Variants in GAREM1 observed in about 807,000 individuals in gnomAD.
GAREM1 encodes GRB2-associated and regulator of MAPK protein 1.
A neutral mutation model predicts 71.3 loss-of-function variants in GAREM1; 26 were observed. The observed-to-expected ratio is 0.36, with a 90% CI of 0.27 to 0.51. GAREM1 has a LOEUF of 0.51. Among genes scored for constraint, GAREM1 ranks in the 20% least tolerant of loss-of-function variants. GAREM1 has a pLI of 0.95. For missense variants in GAREM1, 1,026 were observed against 1,103.1 expected, an observed-to-expected ratio of 0.93 and a Z score of 0.99; for synonymous variants, 440 against 433.2, an observed-to-expected ratio of 1.02 and a Z score of -0.20.
Position 32,307,569 on chromosome 18 carries a change from C to T in GAREM1, c.393+2624G>A, listed in dbSNP as rs970759689. Among the ~76,000 whole-genome samples the T allele has an allele frequency of 3.3e-5, 5 of 152,212 alleles. No homozygotes were observed. The South Asian group carries it at 1.0e-3, about 32-fold the overall frequency. Reference sequence around the variant, plus strand: ...ATGAAGTCTCACTCTGTCGCTAAGGCTGGAGTGCAATGGCGTGATCTCGGC... The same window carrying T: ...ATGAAGTCTCACTCTGTCGCTAAGGTTGGAGTGCAATGGCGTGATCTCGGC... On this transcript the variant is annotated intron_variant, in intron 3 of 5. Coordinates refer to ENST00000269209, the MANE Select transcript of GAREM1 (RefSeq NM_001242409.2).
At chr18:32,461,650 G>T (rs899291013) in intron 1 of GAREM1, among the ~76,000 whole-genome samples, 1 of 152,018 alleles carries the variant, frequency 6.6e-6, no homozygotes, top group African/African-American at 2.4e-5. Context: ...AGCAATGATC[G>T]CACCACTGCA....
At chr18:32,319,083 TAGTG>T (rs1567962897) in intron 2 of GAREM1, among the ~76,000 whole-genome samples, 1 of 152,172 alleles carries the variant, frequency 6.6e-6, no homozygotes. Flanking sequence ...GCTTACTAAA[TAGTG>T]AATGAATGAA....
At chr18:32,285,968 G>A (rs1464537912) in intron 4 of GAREM1, among the ~76,000 whole-genome samples, 3 of 152,146 alleles carry the variant, frequency 2.0e-5, no homozygotes, top group Non-Finnish European at 2.9e-5. Flanking sequence ...CTTTGGTCAG[G>A]TAGGTTTTGA....
chr18:32,313,922 A>G (rs1042013380), intron 2 of GAREM1, among the ~76,000 whole-genome samples: 2 of 152,136 alleles, frequency 1.3e-5, no homozygotes, highest in African/African-American at 4.8e-5. Flanking sequence ...AGGGACCATG[A>G]GGGAGGAGTT....
chr18:32,323,318 G>A (rs1300441279), intron 2 of GAREM1, among the ~76,000 whole-genome samples: 1 of 152,230 alleles, frequency 6.6e-6, no homozygotes, highest in African/African-American at 2.4e-5. Context: ...AAATGTGTGG[G>A]AAGTCTAGGG....
intron 2 of GAREM1, among the ~76,000 whole-genome samples, chr18:32,363,441 T>C (rs2047886950): frequency 6.6e-6 from 1 of 152,162 alleles, no homozygotes; most frequent in Non-Finnish European, 1.5e-5. Flanking sequence ...CTTGATGATA[T>C]CTATAAATTA....
chr18:32,322,148 C>G (rs1056951799), intron 2 of GAREM1, among the ~76,000 whole-genome samples: 8 of 152,182 alleles, frequency 5.3e-5, no homozygotes. Flanking sequence ...AGACCTTGAC[C>G]TCGCTCTGTT....
intron 2 of GAREM1, among the ~76,000 whole-genome samples, chr18:32,380,474 TAAAAA>T (rs35881689): frequency 1.1e-5 from 1 of 92,468 alleles, no homozygotes; most frequent in Non-Finnish European, 2.1e-5. Flanking sequence ...AGACTTCATT[TAAAAA>T]AAAAAAAAAA....
rs139860734 is a variant in GAREM1 at position 32,307,470 on chromosome 18, C to T, written c.393+2723G>A. On this transcript the variant is annotated intron_variant, in intron 3 of 5. Transcript: ENST00000269209. ...CATGAGAATAACCAAAATCCCATTT[C>T]TTTAACTCCTCCCCTGCTAGTTCTT... Among the ~76,000 whole-genome samples, 1,022 of 152,256 alleles carry T rather than the reference C, an allele frequency of 6.7e-3. 6 individuals carry two copies. Among genetic ancestry groups the T allele is most frequent in the Non-Finnish European group, 9.5e-3 (643 of 68,006 alleles).
intron 1 of GAREM1, among the ~76,000 whole-genome samples, chr18:32,415,534 G>A (rs961727244): frequency 2.6e-4 from 39 of 152,040 alleles, no homozygotes; most frequent in African/African-American, 9.4e-4. Context: ...CATAACCAAG[G>A]GGGATTTATC....
chr18:32,298,045 G>A (rs896196962), intron 3 of GAREM1, among the ~76,000 whole-genome samples: 5 of 152,202 alleles, frequency 3.3e-5, no homozygotes, highest in Non-Finnish European at 7.3e-5. Context: ...AACAGTACAC[G>A]TACAGATTAA....
At chr18:32,379,418 G>C (rs1473679918) in intron 2 of GAREM1, among the ~76,000 whole-genome samples, 1 of 134,420 alleles carries the variant, frequency 7.4e-6, no homozygotes, top group East Asian at 2.5e-4. Context: ...GAAGGGGCCA[G>C]GCACGATGGC....
chr18:32,323,955 G>A (rs2047452654), intron 2 of GAREM1, among the ~76,000 whole-genome samples: 1 of 151,700 alleles, frequency 6.6e-6, no homozygotes, highest in Admixed American at 6.6e-5. Flanking sequence ...AGGGAGATAG[G>A]GAAATAGATA....
At chr18:32,323,594 AG>A (rs968533375) in intron 2 of GAREM1, among the ~76,000 whole-genome samples, 29 of 152,132 alleles carry the variant, frequency 1.9e-4, no homozygotes, top group African/African-American at 5.3e-4. Context: ...CTGTAATCCC[AG>A]ATACTTGAGA....
intron 2 of GAREM1, among the ~76,000 whole-genome samples, chr18:32,346,927 G>A (rs1285417073): frequency 6.6e-6 from 1 of 152,080 alleles, no homozygotes; most frequent in Non-Finnish European, 1.5e-5. Flanking sequence ...GAGGAGAGAG[G>A]AGACGCTGTG....
chr18:32,363,903 T>TACAC (rs151234771), intron 2 of GAREM1, among the ~76,000 whole-genome samples: 3 of 142,866 alleles, frequency 2.1e-5, no homozygotes, highest in East Asian at 2.1e-4. Context: ...GTCAAGGTTA[T>TACAC]ACACACACAC....
rs1453164988 is a variant in GAREM1 at position 32,310,292 on chromosome 18, A to G, written c.294T>C (p.Asp98=). 60 of 1,613,964 alleles carry G rather than the reference A, an allele frequency of 3.7e-5. No homozygotes were observed. The highest frequency in any genetic ancestry group is 4.9e-5 in the Non-Finnish European group (58 of 1,180,008). The part of the protein sequence containing the change: ...GQFKLLEQDR[D]IKEPVQYFNS... ...TGAAATATTGCACTGGCTCCTTTAT[A>G]TCTCGGTCTTGTTCCAGCAGCTTGA... is the stretch of plus-strand genomic sequence containing the variant. The change falls in exon 3 of 6, where the codon GAT becomes GAC. Residue 98 remains aspartate (D), a synonymous_variant. Transcript: ENST00000269209.
At chr18:32,440,963 A>C (rs1030478569) in intron 1 of GAREM1, among the ~76,000 whole-genome samples, 4 of 152,234 alleles carry the variant, frequency 2.6e-5, no homozygotes, top group Admixed American at 6.5e-5. Flanking sequence ...TCAAGTATAA[A>C]ATTTTAAGTG....
At chr18:32,361,943 G>A (rs937917016) in intron 2 of GAREM1, among the ~76,000 whole-genome samples, 2 of 152,066 alleles carry the variant, frequency 1.3e-5, no homozygotes, top group Admixed American at 6.5e-5. Context: ...TCCATTTTAA[G>A]TGTATGAATT....
Sources: allele counts gnomAD v4.1 joint callset (sites outside exome capture counted in the v4.1 genomes callset), GRCh38; gene constraint gnomAD v4.1.1; transcripts MANE v1.5; gene names NCBI Gene and HGNC (gene_info 2026-07-23, HGNC 2026-07-21).